MACROD2: variants seen among roughly 807,000 people sequenced by gnomAD.
MACROD2 encodes mono-ADP ribosylhydrolase 2, also known as ADP-ribose glycohydrolase MACROD2.
A neutral mutation model predicts 70.4 loss-of-function variants in MACROD2; 36 were observed. The observed-to-expected ratio is 0.51, with a 90% confidence interval of 0.39 to 0.68. The LOEUF is 0.68. MACROD2 is among the 30% of genes least tolerant of loss of function. MACROD2 has a pLI of 0.00. For missense variants in MACROD2, 496 were observed against 538.4 expected, an observed-to-expected ratio of 0.92 and a Z score of 0.78; for synonymous variants, 172 against 178.8, an observed-to-expected ratio of 0.96 and a Z score of 0.30.
At chr20:14,178,371 A>G (rs1346648408) in intron 3 of MACROD2, among the ~76,000 whole-genome samples, 1 of 152,138 alleles carries the variant, frequency 6.6e-6, no homozygotes, top group Non-Finnish European at 1.5e-5. Context: ...AAAATGAGGA[A>G]CATATCTATG....
At chr20:14,110,987 C>G (rs1441057878) in intron 3 of MACROD2, among the ~76,000 whole-genome samples, 1 of 151,916 alleles carries the variant, frequency 6.6e-6, no homozygotes, top group African/African-American at 2.4e-5. Flanking sequence ...TACTGCAGAG[C>G]TATAGTAACC....
At chr20:15,059,397 T>C (rs1322586735) in intron 5 of MACROD2, among the ~76,000 whole-genome samples, 2 of 150,254 alleles carry the variant, frequency 1.3e-5, no homozygotes, top group Non-Finnish European at 3.0e-5. Flanking sequence ...AAAAAAAGAA[T>C]AGAAAAAGAA....
intron 8 of MACROD2, among the ~76,000 whole-genome samples, chr20:15,653,327 T>A (rs2049674985): frequency 1.3e-5 from 2 of 152,292 alleles, no homozygotes; most frequent in East Asian, 1.9e-4. Context: ...ATTTCTATTA[T>A]CAGAGAGAAA....
intron 7 of MACROD2, among the ~76,000 whole-genome samples, chr20:15,483,005 C>A (rs2047118895): frequency 6.6e-6 from 1 of 152,074 alleles, no homozygotes; most frequent in African/African-American, 2.4e-5. Context: ...TATTTTCACT[C>A]TATCTGTGGC....
intron 8 of MACROD2, among the ~76,000 whole-genome samples, chr20:15,654,681 G>A (rs1256185426): frequency 6.6e-6 from 1 of 152,174 alleles, no homozygotes; most frequent in Non-Finnish European, 1.5e-5. Context: ...GAATGGAGAC[G>A]ATTGCTTTGG....
chr20:15,250,432 AT>A (rs1226243211), intron 6 of MACROD2, among the ~76,000 whole-genome samples: 3 of 152,166 alleles, frequency 2.0e-5, no homozygotes, highest in Non-Finnish European at 4.4e-5. Flanking sequence ...CTTTGCTGGC[AT>A]TTTTTATTGG....
At chr20:14,734,064 A>T (rs1440301342) in intron 5 of MACROD2, among the ~76,000 whole-genome samples, 1 of 152,138 alleles carries the variant, frequency 6.6e-6, no homozygotes, top group African/African-American at 2.4e-5. Flanking sequence ...GTTATTATTA[A>T]GCTCCCTTAC....
chr20:15,634,689 C>A (rs2049338297), intron 8 of MACROD2, among the ~76,000 whole-genome samples: 1 of 152,198 alleles, frequency 6.6e-6, no homozygotes, highest in Non-Finnish European at 1.5e-5. Context: ...GTAGAGATGG[C>A]AGCCAGGAGT....
At chr20:15,198,090 T>C (rs2076622237) in intron 5 of MACROD2, among the ~76,000 whole-genome samples, 1 of 151,650 alleles carries the variant, frequency 6.6e-6, no homozygotes, top group Non-Finnish European at 1.5e-5. Context: ...GCCTCCTGAG[T>C]AGCTGAGACT....
At chr20:15,956,702 G>A (rs2065982054) in intron 12 of MACROD2, among the ~76,000 whole-genome samples, 1 of 152,152 alleles carries the variant, frequency 6.6e-6, no homozygotes, top group Admixed American at 6.6e-5. Flanking sequence ...CAAATTCTCA[G>A]TCCCTACCCC....
intron 5 of MACROD2, among the ~76,000 whole-genome samples, chr20:14,801,931 C>G (rs775474732): frequency 6.6e-6 from 1 of 152,080 alleles, no homozygotes; most frequent in South Asian, 2.1e-4. Flanking sequence ...GTAGAAACCT[C>G]TCTCTTAAGT....
At chr20:16,037,536 A>G (rs768910484) in intron 15 of MACROD2, among the ~76,000 whole-genome samples, 4 of 151,834 alleles carry the variant, frequency 2.6e-5, no homozygotes, top group Non-Finnish European at 5.9e-5. Context: ...CATTTCATAT[A>G]AATAATAATA....
At chr20:14,199,014 C>T (rs929354289) in intron 3 of MACROD2, among the ~76,000 whole-genome samples, 1 of 151,880 alleles carries the variant, frequency 6.6e-6, no homozygotes, top group Non-Finnish European at 1.5e-5. Flanking sequence ...TTCTTGTCCT[C>T]CCTCCCTTCC....
intron 3 of MACROD2, among the ~76,000 whole-genome samples, chr20:14,239,464 T>G (rs1275144064): frequency 1.3e-5 from 2 of 152,178 alleles, no homozygotes; most frequent in South Asian, 2.1e-4. Context: ...CTACCTATCT[T>G]TAAACTATTC....
chr20:15,288,853 ATGTC>A (rs765126995), intron 6 of MACROD2, among the ~76,000 whole-genome samples: 2,171 of 136,640 alleles, frequency 0.016, 22 homozygotes, highest in Middle Eastern at 0.026. Flanking sequence ...GTCTCTCTAT[ATGTC>A]TGTCTGTCTG....
At chr20:14,592,961 A>T (rs1452694359) in intron 4 of MACROD2, among the ~76,000 whole-genome samples, 4 of 152,148 alleles carry the variant, frequency 2.6e-5, no homozygotes, top group African/African-American at 9.7e-5. Context: ...AATCAGTATT[A>T]CTCAATATAT....
intron 5 of MACROD2, among the ~76,000 whole-genome samples, chr20:15,079,548 C>T (rs992991154): frequency 7.2e-5 from 11 of 152,286 alleles, no homozygotes; most frequent in African/African-American, 2.4e-4. Flanking sequence ...CACACATCTC[C>T]ACACTTGAGC....
chr20:14,192,674 A>G (rs938529143), intron 3 of MACROD2, among the ~76,000 whole-genome samples: 3 of 152,130 alleles, frequency 2.0e-5, no homozygotes, highest in Non-Finnish European at 4.4e-5. Context: ...CAGGCAAAGG[A>G]GTCTCCCCAC....
chr20:14,589,650 C>A (rs1431738523), intron 4 of MACROD2, among the ~76,000 whole-genome samples: 1 of 152,066 alleles, frequency 6.6e-6, no homozygotes, highest in Non-Finnish European at 1.5e-5. Flanking sequence ...AATGTTTATA[C>A]TTATTCATGA....
Sources: gnomAD v4.1 joint callset for allele counts (sites outside exome capture counted in the v4.1 genomes callset) on GRCh38, gnomAD v4.1.1 for gene constraint, MANE v1.5 for transcripts, NCBI Gene and HGNC (gene_info 2026-07-23, HGNC 2026-07-21) for gene names.